STAC: variants seen among roughly 807,000 people sequenced by gnomAD.
The protein encoded by STAC is SH3 and cysteine-rich domain-containing protein.
A neutral mutation model predicts 48.8 loss-of-function variants in STAC; 43 were observed. That is an observed-to-expected ratio of 0.88 (90% CI 0.69 to 1.14). The LOEUF (loss-of-function observed/expected upper bound fraction) is 1.14, where lower values mean the gene tolerates loss of function less well. Among genes scored for constraint, STAC ranks in the 50% most tolerant of loss-of-function variants. The pLI is 0.00. For synonymous variants in STAC, 193 were observed against 179.5 expected (o/e 1.07, Z -0.60); for missense variants, 497 against 504.0 (o/e 0.99, Z 0.13).
At chr3:36,453,713 G>T (rs2125677404) in intron 2 of STAC, among the ~76,000 whole-genome samples, 1 of 107,230 alleles carries the variant, frequency 9.3e-6, no homozygotes, top group Non-Finnish European at 2.2e-5. Flanking sequence ...CTGGCAGGCA[G>T]CTCCACCTGC....
intron 2 of STAC, among the ~76,000 whole-genome samples, chr3:36,457,704 G>T (rs550593943): frequency 6.6e-6 from 1 of 152,222 alleles, no homozygotes; most frequent in South Asian, 2.1e-4. Flanking sequence ...GGGATGGCAA[G>T]TCCAGATGTT....
intron 2 of STAC, among the ~76,000 whole-genome samples, chr3:36,464,298 T>A (rs1697102883): frequency 6.6e-6 from 1 of 152,252 alleles, no homozygotes; most frequent in South Asian, 2.1e-4. Context: ...CATGTGTCTT[T>A]TGGCTGCATA....
At chr3:36,436,263 A>C (rs1185795023) in intron 1 of STAC, among the ~76,000 whole-genome samples, 4 of 152,210 alleles carry the variant, frequency 2.6e-5, no homozygotes, top group Non-Finnish European at 5.9e-5. Context: ...TTATCGCAAG[A>C]GTCTCCTCTC....
chr3:36,420,025 C>T (rs1435605401), intron 1 of STAC, among the ~76,000 whole-genome samples: 2 of 152,132 alleles, frequency 1.3e-5, no homozygotes, highest in Non-Finnish European at 2.9e-5. Context: ...GAACTTTTTT[C>T]CTGATAAACT....
At chr3:36,512,479 T>TA (rs1698565691) in intron 8 of STAC, among the ~76,000 whole-genome samples, 1 of 152,230 alleles carries the variant, frequency 6.6e-6, no homozygotes, top group Non-Finnish European at 1.5e-5. Flanking sequence ...AACAGCTTTC[T>TA]ATTATAGAGA....
chr3:36,418,018 CCTTT>C (rs1298917644), intron 1 of STAC, among the ~76,000 whole-genome samples: 1 of 152,074 alleles, frequency 6.6e-6, no homozygotes, highest in African/African-American at 2.4e-5. Flanking sequence ...GGTTATACCA[CCTTT>C]CTTATTCTAA....
chr3:36,403,114 CT>C (rs1266873884), intron 1 of STAC, among the ~76,000 whole-genome samples: 1 of 152,084 alleles, frequency 6.6e-6, no homozygotes, highest in Admixed American at 6.5e-5. Context: ...TTTTTTATTT[CT>C]TTTAAAAAGG....
intron 1 of STAC, among the ~76,000 whole-genome samples, chr3:36,441,344 A>G (rs1405099724): frequency 1.3e-5 from 2 of 152,078 alleles, no homozygotes; most frequent in Non-Finnish European, 2.9e-5. Context: ...AACATGCAGC[A>G]TTTAACTTTC....
chr3:36,479,483 C>A (rs748403178), intron 2 of STAC, among the ~76,000 whole-genome samples: 2 of 152,120 alleles, frequency 1.3e-5, no homozygotes, highest in Non-Finnish European at 2.9e-5. Context: ...AATTCCTGGA[C>A]TGTAATTTTA....
intron 1 of STAC, among the ~76,000 whole-genome samples, chr3:36,432,122 A>G (rs1559488717): frequency 6.6e-6 from 1 of 152,216 alleles, no homozygotes; most frequent in Non-Finnish European, 1.5e-5. Flanking sequence ...TTGAGAAGTC[A>G]GAGTTATGAA....
intron 2 of STAC, among the ~76,000 whole-genome samples, chr3:36,476,137 C>A (rs1697486443): frequency 6.6e-6 from 1 of 152,218 alleles, no homozygotes; most frequent in African/African-American, 2.4e-5. Context: ...TTGTCCTGCC[C>A]AGGCCTGGGT....
At chr3:36,402,425 C>G (rs1031379078) in intron 1 of STAC, among the ~76,000 whole-genome samples, 2 of 152,008 alleles carry the variant, frequency 1.3e-5, no homozygotes, top group African/African-American at 2.4e-5. Flanking sequence ...ATGCATTATT[C>G]TGTTTAATCA....
intron 1 of STAC, among the ~76,000 whole-genome samples, chr3:36,434,279 C>G (rs954761879): frequency 2.6e-5 from 4 of 152,138 alleles, no homozygotes; most frequent in African/African-American, 9.7e-5. Context: ...TCTTAGATGT[C>G]ATCATTTAAT....
chr3:36,385,484 TA>T (rs1699596325), intron 1 of STAC, among the ~76,000 whole-genome samples: 2 of 152,154 alleles, frequency 1.3e-5, no homozygotes, highest in African/African-American at 4.8e-5. Context: ...AGTTGTATTA[TA>T]GTCTTTTTTT....
At chr3:36,454,440 G>A (rs770914123) in intron 2 of STAC, among the ~76,000 whole-genome samples, 2 of 152,098 alleles carry the variant, frequency 1.3e-5, no homozygotes, top group Non-Finnish European at 2.9e-5. Context: ...CCGAACATCA[G>A]AAGGAACAAA....
At chr3:36,468,039 G>C (rs1435643280) in intron 2 of STAC, among the ~76,000 whole-genome samples, 1 of 152,018 alleles carries the variant, frequency 6.6e-6, no homozygotes, top group Non-Finnish European at 1.5e-5. Flanking sequence ...GTTTTGATAG[G>C]TTGTGTCACT....
At chr3:36,385,955 T>G (rs1053575400) in intron 1 of STAC, among the ~76,000 whole-genome samples, 1 of 152,070 alleles carries the variant, frequency 6.6e-6, no homozygotes, top group African/African-American at 2.4e-5. Context: ...GCTATGAACA[T>G]TCCTTATATA....
intron 1 of STAC, among the ~76,000 whole-genome samples, chr3:36,391,553 C>T (rs552809659): frequency 6.6e-6 from 1 of 152,164 alleles, no homozygotes; most frequent in African/African-American, 2.4e-5. Flanking sequence ...TCAGCTGTCA[C>T]CCCGTTTCTT....
intron 7 of STAC, among the ~76,000 whole-genome samples, chr3:36,504,849 T>A (rs923799902): frequency 3.3e-5 from 5 of 151,974 alleles, no homozygotes; most frequent in Admixed American, 2.0e-4. Context: ...TAAAAAGATA[T>A]ATATAGTTGT....
Sources: allele counts gnomAD v4.1 joint callset (sites outside exome capture counted in the v4.1 genomes callset), GRCh38; gene constraint gnomAD v4.1.1; transcripts MANE v1.5; gene names NCBI Gene and HGNC (gene_info 2026-07-23, HGNC 2026-07-21).